Variants in DMD observed in about 807,000 individuals in gnomAD.
The protein encoded by DMD is mutant dystrophin.
Under a neutral mutation model 330.1 loss-of-function variants are expected in DMD, and 63 were observed. That is an observed-to-expected ratio of 0.19 (90% CI 0.16 to 0.24). The LOEUF (loss-of-function observed/expected upper bound fraction) is 0.24, where lower values mean the gene tolerates loss of function less well. Ranked by LOEUF, DMD falls within the 10% of genes least tolerant of loss-of-function variation. The probability of loss-of-function intolerance (pLI) is 1.00; values close to 1 mark genes in which losing one functional copy is unlikely to be tolerated. For synonymous variants in DMD, 1,223 were observed against 959.8 expected (o/e 1.27, Z -5.07); for missense variants, 3,344 against 2,684.1 (o/e 1.25, Z -5.43).
intron 51 of DMD, among the ~76,000 whole-genome samples, chrX:31,734,158 T>C (rs779753376): frequency 3.7e-4 from 41 of 111,200 alleles, no homozygotes; most frequent in Non-Finnish European, 6.4e-4. Context: ...TTTTAATTAT[T>C]TATCATTTTA....
rs1427657435 is a variant in DMD at position 31,181,976 on chromosome X, A to T, written c.9974+762T>A. ...AATGTTAAGTGAGATTAATTCATTT[A>T]AAAAAAAATCCTGTCTCCCCAAACA... On this transcript the variant is annotated intron_variant, in intron 68 of 78. Transcript: ENST00000357033. 3.6e-5 allele frequency among the ~76,000 whole-genome samples: 4 copies of T among 111,479 alleles called. No homozygotes were observed. In the South Asian group the frequency reaches 1.1e-3, roughly 31 times the overall value.
chrX:31,780,610 G>C (rs892806563), intron 50 of DMD, among the ~76,000 whole-genome samples: 7 of 112,007 alleles, frequency 6.2e-5, no homozygotes, highest in African/African-American at 2.3e-4. Context: ...AATGAATTCC[G>C]TAAGAATTCA....
At chrX:31,646,445 T>G (rs973627347) in intron 54 of DMD, among the ~76,000 whole-genome samples, 1 of 111,634 alleles carries the variant, frequency 9.0e-6, no homozygotes, top group African/African-American at 3.3e-5. Flanking sequence ...CCAAGTCCCA[T>G]CCCCAGAGAT....
intron 48 of DMD, among the ~76,000 whole-genome samples, chrX:31,849,007 C>T (rs965661909): frequency 1.8e-5 from 2 of 110,312 alleles, no homozygotes; most frequent in Non-Finnish European, 3.8e-5. Context: ...ATTGTGTGTG[C>T]GTGTGTTTAA....
chrX:32,558,123 C>CT (rs756372151), intron 16 of DMD, among the ~76,000 whole-genome samples: 4 of 111,120 alleles, frequency 3.6e-5, no homozygotes, highest in Non-Finnish European at 5.7e-5. Context: ...TTCTGTAAAA[C>CT]TGTCTGTCCA....
chrX:32,196,268 A>G (rs1216535275), intron 44 of DMD, among the ~76,000 whole-genome samples: 1 of 112,206 alleles, frequency 8.9e-6, no homozygotes, highest in Non-Finnish European at 1.9e-5. Context: ...TGGATAATAC[A>G]TTTAAGCTTC....
In DMD at chrX:33,217,644, C is replaced by G. The variant is rs1400768801; in HGVS notation, c.7+121615G>C. On this transcript the variant is annotated intron_variant, in intron 1 of 17. Coordinates refer to the DMD transcript ENST00000288447. ...ACTGTGATAAGATTTAATATGAGAT[C>G]TACCCAACGAACAGATTCTTAAATT... Among the ~76,000 whole-genome samples the G allele has an allele frequency of 1.8e-5, 2 of 111,520 alleles. 1 individual carries two copies. Among genetic ancestry groups the G allele is most frequent in the East Asian group, 5.6e-4 (2 of 3,543 alleles).
intron 55 of DMD, among the ~76,000 whole-genome samples, chrX:31,567,821 A>T (rs1358738474): frequency 3.6e-5 from 4 of 111,210 alleles, no homozygotes; most frequent in African/African-American, 1.3e-4. Flanking sequence ...GTTCCCACAG[A>T]GTAATCCCAA....
intron 2 of DMD, among the ~76,000 whole-genome samples, chrX:32,915,800 A>G (rs1000302232): frequency 8.9e-6 from 1 of 111,845 alleles, no homozygotes; most frequent in Non-Finnish European, 1.9e-5. Flanking sequence ...TCATGTATTA[A>G]AAACTGAGGC....
intron 44 of DMD, among the ~76,000 whole-genome samples, chrX:31,983,845 T>C (rs918072330): frequency 9.0e-6 from 1 of 111,701 alleles, no homozygotes; most frequent in African/African-American, 3.3e-5. Context: ...GAAAAATGTG[T>C]TATTATTCCT....
chrX:32,445,818 C>T (rs1159949547), intron 27 of DMD, among the ~76,000 whole-genome samples: 1 of 110,416 alleles, frequency 9.1e-6, no homozygotes, highest in Non-Finnish European at 1.9e-5. Flanking sequence ...TGAAACAACT[C>T]AATAAAATAT....
intron 61 of DMD, among the ~76,000 whole-genome samples, chrX:31,347,281 T>TACA (rs2058149502): frequency 9.0e-6 from 1 of 110,721 alleles, no homozygotes; most frequent in Non-Finnish European, 1.9e-5. Flanking sequence ...CTTTGAAATA[T>TACA]ACAACACATC....
At chrX:32,821,951 A>T (rs1301699735) in intron 5 of DMD, among the ~76,000 whole-genome samples, 2 of 111,582 alleles carry the variant, frequency 1.8e-5, no homozygotes, top group African/African-American at 3.3e-5. Flanking sequence ...TCATCCCTCA[A>T]AATAGTTTGA....
Position 32,597,201 on chromosome X carries a change from T to A in DMD, c.1483-1325A>T, listed in dbSNP as rs1484688658. ...CTAGAGCAGCTTTTCATGAGCAAAC[T>A]ATCCAATGTTGCTCCCTAGTAATTC... On this transcript the variant is annotated intron_variant, in intron 12 of 78. Coordinates refer to ENST00000357033, the MANE Select transcript of DMD (RefSeq NM_004006.3). Among the ~76,000 whole-genome samples, 8 of 111,938 alleles carry A rather than the reference T, an allele frequency of 7.1e-5. 1 individual carries two copies. The highest frequency in any genetic ancestry group is 1.5e-4 in the Non-Finnish European group (8 of 53,214).
At chrX:33,160,637 T>C (rs1194933642) in intron 1 of DMD, among the ~76,000 whole-genome samples, 2 of 112,534 alleles carry the variant, frequency 1.8e-5, no homozygotes, top group Non-Finnish European at 1.9e-5. Flanking sequence ...AGTCCTTCAG[T>C]GATCTTAGAT....
At chrX:32,117,121 C>T (rs2096614185) in intron 44 of DMD, among the ~76,000 whole-genome samples, 1 of 111,217 alleles carries the variant, frequency 9.0e-6, no homozygotes, top group Admixed American at 9.6e-5. Flanking sequence ...CACTCCATTA[C>T]ATTTTTATTG....
intron 4 of DMD, among the ~76,000 whole-genome samples, chrX:32,832,025 CA>C (rs1198834575): frequency 2.7e-5 from 3 of 110,833 alleles, no homozygotes; most frequent in African/African-American, 9.8e-5. Flanking sequence ...TAGACTAAAG[CA>C]GGTCGTTTCT....
intron 1 of DMD, among the ~76,000 whole-genome samples, chrX:33,117,645 A>G (rs1184045724): frequency 9.0e-6 from 1 of 111,413 alleles, no homozygotes; most frequent in African/African-American, 3.3e-5. Flanking sequence ...ACTGAGGCCC[A>G]TTGAGGATTA....
At position 33,271,863 on chromosome X, in the gene DMD, C is replaced by G. The variant is rs200210488; in HGVS notation, c.7+67396G>C. On this transcript the variant is annotated intron_variant, in intron 1 of 17. Transcript: ENST00000288447. Reference sequence around the variant, plus strand: ...ACATGAATAGTGACCATGTGAGTGGCAAAGCAAATGTGTGTTCTTTTTCAT... The same window carrying G: ...ACATGAATAGTGACCATGTGAGTGGGAAAGCAAATGTGTGTTCTTTTTCAT... Among the ~76,000 whole-genome samples the G allele has an allele frequency of 2.5e-4, 27 of 110,103 alleles. No individual in the cohort carries two copies. In the East Asian group the frequency reaches 7.5e-3, roughly 31 times the overall value.
Sources: gnomAD v4.1 joint callset for allele counts (sites outside exome capture counted in the v4.1 genomes callset) on GRCh38, gnomAD v4.1.1 for gene constraint, MANE v1.5 for transcripts, NCBI Gene and HGNC (gene_info 2026-07-23, HGNC 2026-07-21) for gene names.